SON: variants seen among roughly 807,000 people sequenced by gnomAD.
SON encodes the protein SON DNA and RNA binding protein.
A neutral mutation model predicts 173.3 loss-of-function variants in SON; 4 were observed. That is an observed-to-expected ratio of 0.02 (90% confidence interval 0.01 to 0.05). The LOEUF is 0.05. Among genes scored for constraint, SON ranks in the 10% least tolerant of loss-of-function variants. The pLI is 1.00. For synonymous variants in SON, 1,190 were observed against 1,105.9 expected (o/e 1.08, Z -1.51); for missense variants, 2,626 against 3,055.3 (o/e 0.86, Z 3.31).
At chr21:33,564,437 A>C (rs1327987405) in intron 6 of SON, among the ~76,000 whole-genome samples, 2 of 152,140 alleles carry the variant, frequency 1.3e-5, no homozygotes, top group African/African-American at 2.4e-5. Flanking sequence ...TTGGCTTTTT[A>C]TGCCTCATTG....
chr21:33,555,233 C>G lies in SON; in HGVS notation c.6002C>G (p.Ser2001Ter), dbSNP rs1363062229. 1 of 1,608,944 alleles carries G rather than the reference C, an allele frequency of 6.2e-7. No individual in the cohort carries two copies. The highest frequency in any genetic ancestry group is 8.5e-7 in the Non-Finnish European group (1 of 1,178,222). The change falls in exon 3 of 12, where the codon TCA (serine) becomes TGA (stop). Residue 2001 changes from serine (S) to a stop codon, truncating the protein, a stop_gained. Coordinates refer to ENST00000356577, the MANE Select transcript of SON (RefSeq NM_138927.4). LOFTEE classifies it high-confidence loss of function. ...RSRTPSRRRRSRSVVRRRSFS... is the reference protein window; with the variant it reads ...RSRTPSRRRR ...CGCACCCCAAGCCGCCGGAGAAGAT[C>G]AAGGTCTGTGGTAAGAAGACGAAGC...
At chr21:33,557,112 A>G (rs1426985689) in intron 3 of SON, 44 bp from the exon 4 acceptor site, 1 of 1,572,398 alleles carries the variant, frequency 6.4e-7, no homozygotes, top group East Asian at 2.2e-5. Context: ...TACAAAATGT[A>G]CAGTCTTTTA....
Position 33,550,597 on chromosome 21 carries a change from C to T in SON, c.1366C>T (p.Leu456Phe). The change falls in exon 3 of 12, where the codon CTT becomes TTT. Residue 456 changes from leucine (L) to phenylalanine (F), a missense_variant. By Grantham distance (22) the Leu-to-Phe change is conservative (BLOSUM62 0). Coordinates refer to ENST00000356577, the MANE Select transcript of SON (RefSeq NM_138927.4). ...ACAGTTGTCGCAGGAATTGCCAGGGCTTCCAGCACCATCCATGGGGTTGGA... is the reference window on the plus strand; with the variant it reads ...ACAGTTGTCGCAGGAATTGCCAGGGTTTCCAGCACCATCCATGGGGTTGGA... ...VPQLSQELPG[L>F]PAPSMGLEPP... 6.2e-7 allele frequency: 1 copy of T among 1,613,832 alleles called. No homozygotes were observed. The highest frequency in any genetic ancestry group is 8.5e-7 in the Non-Finnish European group (1 of 1,179,950).
intron 2 of SON, chr21:33,546,866 C>T (rs558626744): frequency 2.0e-5 from 3 of 152,390 alleles, no homozygotes; most frequent in African/African-American, 7.2e-5. Flanking sequence ...TCCTTCCATA[C>T]TTCCACTGGA....
chr21:33,549,902 A>C lies in SON; in HGVS notation c.671A>C (p.Glu224Ala). The change falls in exon 3 of 12, where the codon GAG becomes GCG. Residue 224 changes from glutamate to alanine, a missense_variant. By Grantham distance (107) the Glu-to-Ala change is moderately radical. Transcript: ENST00000356577. ...LSVVSTSVIS[E>A]QSEQSVAVMP... ...GTTGTATCTACATCAGTAATCTCAG[A>C]GCAGTCAGAGCAGTCTGTGGCAGTA... 6.2e-7 allele frequency: 1 copy of C among 1,614,100 alleles called. No individual in the cohort carries two copies. The highest frequency in any genetic ancestry group is 8.5e-7 in the Non-Finnish European group (1 of 1,179,934).
chr21:33,573,303 G>T lies in SON; in HGVS notation c.6886-5G>T. ...GGGACATTTTACCTTTCTTTCTTTG[G>T]ATAGGATCAGTTCTTAAGAGCAGCC... On this transcript the variant is annotated splice_region_variant and splice_polypyrimidine_tract_variant and intron_variant, in intron 8 of 11. Transcript: ENST00000356577. 6.2e-7 allele frequency: 1 copy of T among 1,603,994 alleles called. No homozygotes were observed. Among genetic ancestry groups the T allele is most frequent in the South Asian group, 1.1e-5 (1 of 89,630 alleles).
intron 6 of SON, among the ~76,000 whole-genome samples, chr21:33,561,395 T>C (rs917658210): frequency 9.9e-5 from 15 of 152,174 alleles, no homozygotes; most frequent in Non-Finnish European, 2.9e-5. Flanking sequence ...AATCCTAATA[T>C]GTATGCTTTT....
rs370682962 is a variant in SON, at chr21:33,568,959, T to A, written c.6769-12T>A. 2.9e-5 allele frequency: 45 copies of A among 1,545,330 alleles called. No homozygotes were observed. The South Asian group carries it at 3.6e-4, about 13-fold the overall frequency. ...TTTTACTTAGTTAACTGAGACTACTTCTTTTCTTCAGATTGATGCCTGGGC... is the reference window on the plus strand; with the variant it reads ...TTTTACTTAGTTAACTGAGACTACTACTTTTCTTCAGATTGATGCCTGGGC... On this transcript the variant is annotated splice_polypyrimidine_tract_variant and intron_variant, in intron 7 of 11. Transcript: ENST00000356577.
intron 7 of SON, among the ~76,000 whole-genome samples, chr21:33,567,869 C>T (rs62227706): frequency 0.22 from 32,870 of 151,816 alleles, 4,373 homozygotes; most frequent in Non-Finnish European, 0.29. Flanking sequence ...GCCAGGATCG[C>T]GCCACTGTAC....
chr21:33,559,519 A>C lies in SON; in HGVS notation c.6469-68A>C. 6.7e-7 allele frequency: 1 copy of C among 1,496,038 alleles called. No individual in the cohort carries two copies. The highest frequency in any genetic ancestry group is 2.3e-5 in the East Asian group (1 of 44,048). 92.7% of individuals were successfully genotyped at this position (1,496,038 alleles called of 1,614,324 possible). On this transcript the variant is annotated intron_variant, in intron 5 of 11. Transcript: ENST00000356577. This position sits in a 1 kb window ranked among gnomAD's most constrained non-coding sequence, Gnocchi z 4.1. ...TAATATCATTTCCTTCAGATTATGTAGAAAATCTCAAACCATTTAATGTAG... is the reference window on the plus strand; with the variant it reads ...TAATATCATTTCCTTCAGATTATGTCGAAAATCTCAAACCATTTAATGTAG...
chr21:33,550,938 G>A lies in SON; in HGVS notation c.1707G>A (p.Val569=), dbSNP rs747349468. 55 of 1,605,962 alleles carry A rather than the reference G, an allele frequency of 3.4e-5. 1 individual carries two copies. In the South Asian group the frequency reaches 5.9e-4, roughly 17 times the overall value. Residue 569 remains valine (V), a synonymous_variant, in exon 3 of 12, where the codon GTG becomes GTA. Coordinates refer to ENST00000356577, the MANE Select transcript of SON (RefSeq NM_138927.4). The part of the protein sequence containing the change: ...ELPGQPSVTG[V]PELPGLPSAT... The stretch of plus-strand genomic sequence containing the variant: ...CGGGGCAGCCTTCGGTGACTGGGGT[G>A]CCAGAGTTGCCAGGGCTGCCTTCGG...
chr21:33,551,361 C>G lies in SON; in HGVS notation c.2130C>G (p.Ala710=). 1 of 1,614,062 alleles carries G rather than the reference C, an allele frequency of 6.2e-7. No homozygotes were observed. Among genetic ancestry groups the G allele is most frequent in the Non-Finnish European group, 8.5e-7 (1 of 1,179,978 alleles). ...CAGTAGGAGTGGATCCCTTGATGGC[C>G]CCAGAATCCCATATATTAGCTTCTA... ...SVTVGVDPLM[A]PESHILASNT... The change falls in exon 3 of 12, where the codon GCC becomes GCG. Residue 710 remains alanine (A), a synonymous_variant. Coordinates refer to ENST00000356577, the MANE Select transcript of SON (RefSeq NM_138927.4).
At chr21:33,560,331 T>C in intron 6 of SON, 1 of 1,326,822 alleles carries the variant, frequency 7.5e-7, no homozygotes, top group Middle Eastern at 2.8e-4. Flanking sequence ...TTCCCTTTGC[T>C]ACCTTGGCCC....
Position 33,550,078 on chromosome 21 carries a change from T to C in SON, c.847T>C (p.Ser283Pro), listed in dbSNP as rs755993467. The C allele has an allele frequency of 6.2e-7, 1 of 1,614,042 alleles. No homozygotes were observed. Among genetic ancestry groups the C allele is most frequent in the Non-Finnish European group, 8.5e-7 (1 of 1,180,020 alleles). ...KSVLKSVESTSPEPSKIMLVE... is the reference protein window; with the variant it reads ...KSVLKSVESTPPEPSKIMLVE... ...TGTGCTGAAATCTGTGGAGAGCACA[T>C]CTCCAGAGCCATCAAAGATCATGTT... Residue 283 changes from serine to proline, a missense_variant, in exon 3 of 12, where the codon TCT (serine) becomes CCT (proline). By Grantham distance (74) the Ser-to-Pro change is moderately conservative. Around this residue, in one of 13 missense-constraint regions of SON, gnomAD observed 757 missense variants for 730.1 expected, o/e 1.04. Transcript: ENST00000356577.
In SON at chr21:33,554,548, A is replaced by C. The variant is rs1337198692; in HGVS notation, c.5317A>C (p.Ser1773Arg). The C allele has an allele frequency of 6.2e-7, 1 of 1,614,062 alleles. No individual in the cohort carries two copies. Among genetic ancestry groups the C allele is most frequent in the South Asian group, 1.1e-5 (1 of 91,074 alleles). ...CAGATCTGCTGCCAGCCCGGTTGTAAGTAGTATGCCAGAAAGAGCTTCAGA... is the reference window on the plus strand; with the variant it reads ...CAGATCTGCTGCCAGCCCGGTTGTACGTAGTATGCCAGAAAGAGCTTCAGA... ...RDRSAASPVV[S>R]SMPERASESS... The change falls in exon 3 of 12, where the codon AGT becomes CGT. Residue 1773 changes from serine to arginine, a missense_variant. Physicochemically the swap from Ser to Arg is moderately radical, Grantham distance 110. Coordinates refer to ENST00000356577, the MANE Select transcript of SON (RefSeq NM_138927.4).
Position 33,554,928 on chromosome 21 carries a change from C to G in SON, c.5697C>G (p.Ser1899=), listed in dbSNP as rs1014376912. The G allele has an allele frequency of 6.2e-7, 1 of 1,614,036 alleles. No homozygotes were observed. The highest frequency in any genetic ancestry group is 8.5e-7 in the Non-Finnish European group (1 of 1,180,008). The stretch of plus-strand genomic sequence containing the variant: ...GCAAAAGATCTCCAAAGCACAGATC[C>G]AAGTCTAGGGAAAGAAAAAGAAAAA... The part of the protein sequence containing the change: ...EKRKRSPKHR[S]KSRERKRKRS... Residue 1899 remains serine (S), a synonymous_variant, in exon 3 of 12, where the codon TCC becomes TCG. Transcript: ENST00000356577.
intron 1 of SON, among the ~76,000 whole-genome samples, chr21:33,544,275 A>G (rs1379058529): frequency 6.6e-6 from 1 of 152,236 alleles, no homozygotes; most frequent in Non-Finnish European, 1.5e-5. Flanking sequence ...TTTTAAGTGG[A>G]AATAGATCCA....
intron 1 of SON, among the ~76,000 whole-genome samples, chr21:33,544,881 G>A (rs897155627): frequency 1.3e-5 from 2 of 152,188 alleles, no homozygotes; most frequent in African/African-American, 2.4e-5. Flanking sequence ...AAGTGCTACA[G>A]AAGGAATATC....
At chr21:33,563,139 A>G (rs2086099059) in intron 6 of SON, among the ~76,000 whole-genome samples, 1 of 152,178 alleles carries the variant, frequency 6.6e-6, no homozygotes, top group African/African-American at 2.4e-5. Context: ...CGGCACTGCT[A>G]GAATGTGTAA....
Sources: allele counts gnomAD v4.1 joint callset (sites outside exome capture counted in the v4.1 genomes callset), GRCh38; gene constraint gnomAD v4.1.1; regional missense constraint gnomAD v4.1.1; non-coding constraint Gnocchi (gnomAD v3.1); transcripts MANE v1.5; gene names NCBI Gene and HGNC (gene_info 2026-07-23, HGNC 2026-07-21).